Variants in ANKLE2 observed in about 807,000 individuals in gnomAD.
ANKLE2 encodes the protein ankyrin repeat and LEM domain-containing protein 2.
In ANKLE2, 55 loss-of-function variants were observed where a neutral mutation model predicts 84.2. The ratio of observed to expected loss-of-function variants is 0.65; its 90% CI spans 0.53 to 0.82. The LOEUF is 0.82. Ranked by LOEUF, ANKLE2 falls within the 40% of genes least tolerant of loss-of-function variation. The pLI is 0.00. For missense variants in ANKLE2, 1,238 were observed against 1,201.9 expected, an observed-to-expected ratio of 1.03 and a Z score of -0.44; for synonymous variants, 551 against 486.1, an observed-to-expected ratio of 1.13 and a Z score of -1.76.
chr12:132,739,596 T>C (rs953785770), intron 7 of ANKLE2, among the ~76,000 whole-genome samples: 1 of 152,250 alleles, frequency 6.6e-6, no homozygotes, highest in African/African-American at 2.4e-5. Context: ...TTTAACAATT[T>C]CTGTCTACAG....
chr12:132,732,937 C>T (rs1318225981), intron 10 of ANKLE2, among the ~76,000 whole-genome samples: 11 of 137,452 alleles, frequency 8.0e-5, no homozygotes, highest in Admixed American at 1.4e-4. Context: ...TGATATGCAC[C>T]GTGTGAAGCT....
intron 1 of ANKLE2, chr12:132,760,500 A>T (rs2044603772): frequency 6.6e-6 from 1 of 152,158 alleles, no homozygotes; most frequent in African/African-American, 2.4e-5. Flanking sequence ...AGGTTGTTTG[A>T]CCTGCGCTTG....
chr12:132,746,293 G>T (rs1225815376), intron 5 of ANKLE2, among the ~76,000 whole-genome samples: 1 of 148,238 alleles, frequency 6.7e-6, no homozygotes, highest in African/African-American at 2.5e-5. Context: ...AGCTTGCAGT[G>T]AGCCGAGATT....
chr12:132,728,197 T>C (rs1288845526), intron 11 of ANKLE2, 34 bp from the exon 12 acceptor site: 1 of 1,602,872 alleles, frequency 6.2e-7, no homozygotes, highest in South Asian at 1.1e-5. Flanking sequence ...AAAAACATCT[T>C]TGGTAAAAAC....
In ANKLE2 at chr12:132,736,984, G is replaced by A. The variant is rs2136127064; in HGVS notation, c.1502C>T (p.Ala501Val). The change falls in exon 8 of 13, where the codon GCT becomes GTT. Residue 501 changes from alanine (A) to valine (V), a missense_variant. Physicochemically the swap from Ala to Val is moderately conservative, Grantham distance 64 (BLOSUM62 0). Transcript: ENST00000357997. ...IGELWSPDQT[A>V]EASHVSRYGG... The stretch of plus-strand genomic sequence containing the variant: ...ATAGCGGCTGACGTGAGAGGCCTCA[G>A]CCGTCTGGTCTGGGGACCACAGCTC... 1 of 1,613,890 alleles carries A rather than the reference G, an allele frequency of 6.2e-7. No individual in the cohort carries two copies. The highest frequency in any genetic ancestry group is 2.2e-5 in the East Asian group (1 of 44,876).
chr12:132,752,302 T>C (rs1012849695), intron 2 of ANKLE2, among the ~76,000 whole-genome samples: 2 of 152,206 alleles, frequency 1.3e-5, no homozygotes, highest in Non-Finnish European at 2.9e-5. Flanking sequence ...ATCGCACCAC[T>C]GCACTCCGGC....
rs575592902 is a variant in ANKLE2 at position 132,748,503 on chromosome 12, C to T, written c.848-172G>A. 8.5e-5 allele frequency among the ~76,000 whole-genome samples: 13 copies of T among 152,270 alleles called. No homozygotes were observed. The South Asian group carries it at 1.7e-3, about 19-fold the overall frequency. ...CACGGCCACCGGCCCCAGCATGCAA[C>T]GCAATCAATGGCAGCCAGCGTGCCC... On this transcript the variant is annotated intron_variant, in intron 3 of 12. Coordinates refer to ENST00000357997, the MANE Select transcript of ANKLE2 (RefSeq NM_015114.3).
chr12:132,747,055 A>G (rs530675584), intron 5 of ANKLE2, among the ~76,000 whole-genome samples: 20 of 152,324 alleles, frequency 1.3e-4, no homozygotes, highest in African/African-American at 4.8e-4. Flanking sequence ...GGGGGCACTC[A>G]TCAGTGACTC....
At position 132,728,126 on chromosome 12, in the gene ANKLE2, C is replaced by T. The variant is rs370540397; in HGVS notation, c.2521G>A (p.Ala841Thr). 34 of 1,612,808 alleles carry T rather than the reference C, an allele frequency of 2.1e-5. No individual in the cohort carries two copies. The highest frequency in any genetic ancestry group is 5.3e-5 in the African/African-American group (4 of 74,902). The change falls in exon 12 of 13, where the codon GCT becomes ACT. Residue 841 changes from alanine to threonine, a missense_variant. By Grantham distance (58) the Ala-to-Thr change is moderately conservative. Transcript: ENST00000357997. ...PSKLDQDVLA[A>T]LECADVDPHQ... The stretch of plus-strand genomic sequence containing the variant: ...GGGTCGACGTCTGCACATTCAAGAG[C>T]GGCCAAAACATCCTGATCGAGTTTT...
At chr12:132,753,772 A>C (rs11608264) in intron 2 of ANKLE2, among the ~76,000 whole-genome samples, 8,313 of 151,890 alleles carry the variant, frequency 0.055, 251 homozygotes, top group East Asian at 0.085. Flanking sequence ...ACAAAAAAAA[A>C]CCATAAAAAT....
At chr12:132,741,045 T>C (rs1018398060) in intron 7 of ANKLE2, among the ~76,000 whole-genome samples, 1 of 152,080 alleles carries the variant, frequency 6.6e-6, no homozygotes, top group Non-Finnish European at 1.5e-5. Flanking sequence ...ACCCTGCCTC[T>C]CCCTGAGCTG....
intron 2 of ANKLE2, 39 bp downstream of exon 2, chr12:132,754,636 G>A (rs533705603): frequency 1.3e-6 from 2 of 1,548,658 alleles, no homozygotes; most frequent in East Asian, 2.3e-5. Context: ...CCGCGTATGT[G>A]CTATCTGTGT....
intron 10 of ANKLE2, among the ~76,000 whole-genome samples, chr12:132,732,727 T>C (rs1214128747): frequency 8.5e-6 from 1 of 117,292 alleles, no homozygotes; most frequent in East Asian, 2.8e-4. Context: ...GCTCTCTGCG[T>C]CCTGGTGTCT....
At chr12:132,759,485 G>A (rs74590803) in intron 1 of ANKLE2, 14,483 of 132,138 alleles carry the variant, frequency 0.11, 984 homozygotes, top group African/African-American at 0.24. Context: ...AATGCACGAG[G>A]CCCAGTTTCT....
chr12:132,739,889 G>A (rs192051438), intron 7 of ANKLE2, among the ~76,000 whole-genome samples: 5 of 152,038 alleles, frequency 3.3e-5, no homozygotes, highest in Admixed American at 6.5e-5. Flanking sequence ...TGGAGGTGCC[G>A]TGTAGCTCAG....
intron 2 of ANKLE2, among the ~76,000 whole-genome samples, chr12:132,753,321 CA>C (rs796460299): frequency 5.6e-4 from 79 of 142,162 alleles, no homozygotes; most frequent in African/African-American, 1.6e-3. Flanking sequence ...ACCCCAGTCT[CA>C]AAAAAAAAAA....
In ANKLE2 at chr12:132,730,201, C is replaced by T. The variant is rs77116800; in HGVS notation, c.1961G>A (p.Arg654Gln). The T allele has an allele frequency of 5.5e-4, 886 of 1,598,212 alleles. 5 individuals are homozygous for T. The African/African-American group carries it at 9.6e-3, about 17-fold the overall frequency. The change falls in exon 11 of 13, where the codon CGG becomes CAG. Residue 654 changes from arginine to glutamine, a missense_variant. This residue lies in a region of ANKLE2 where 802 missense variants were observed against 774.5 expected (regional missense o/e 1.04). Transcript: ENST00000357997. ...DDMSLEEIKN[R>Q]QNAARNNSPP... ...GCTGTTATTTCGAGCTGCATTTTGC[C>T]GATTTTTTATTTCTTCCAAGCTCAT...
At position 132,754,717 on chromosome 12, in the gene ANKLE2, AGTACAGGGGCGGCTCCTTAGACGCAGTC is replaced by A; in HGVS notation, c.570_597del (p.Thr191MetfsTer32). On this transcript the variant is annotated frameshift_variant, in exon 2 of 13. Coordinates refer to ENST00000357997, the MANE Select transcript of ANKLE2 (RefSeq NM_015114.3). LOFTEE classifies it high-confidence loss of function. ...TCCTCATACACTGGACACACCCCAT[AGTACAGGGGCGGCTCCTTAGACGCAGTC>A]GCTCCAGCTCTGTAGGTGTCGGTGT... is the stretch of plus-strand genomic sequence containing the variant. The A allele has an allele frequency of 6.2e-7, 1 of 1,613,906 alleles. No homozygotes were observed. Among genetic ancestry groups the A allele is most frequent in the Non-Finnish European group, 8.5e-7 (1 of 1,179,946 alleles).
At position 132,733,552 on chromosome 12, in the gene ANKLE2, C is replaced by T. The variant is rs537861783; in HGVS notation, c.1891+833G>A. ...GGTGCCTGATATGCACCGTGTGAAG[C>T]GCTCTGCATCCTGGTGTCTGAAATG... On this transcript the variant is annotated intron_variant, in intron 10 of 12. Transcript: ENST00000357997. Among the ~76,000 whole-genome samples the T allele has an allele frequency of 7.4e-5, 11 of 149,558 alleles. No homozygotes were observed. In the East Asian group the frequency reaches 1.2e-3, roughly 16 times the overall value.
Sources: gnomAD v4.1 joint callset for allele counts (sites outside exome capture counted in the v4.1 genomes callset) on GRCh38, gnomAD v4.1.1 for gene constraint, gnomAD v4.1.1 regional missense constraint, MANE v1.5 for transcripts, NCBI Gene and HGNC (gene_info 2026-07-23, HGNC 2026-07-21) for gene names.